SMC1B: variants seen among roughly 807,000 people sequenced by gnomAD.
SMC1B encodes structural maintenance of chromosomes protein 1B.
In SMC1B, 60 loss-of-function variants were observed where a neutral mutation model predicts 157.9. The observed-to-expected ratio is 0.38, with a 90% CI of 0.31 to 0.47. The LOEUF (loss-of-function observed/expected upper bound fraction) is 0.47. Among genes scored for constraint, SMC1B ranks in the 20% least tolerant of loss-of-function variants. The pLI is 0.99. For missense variants in SMC1B, 1,165 were observed against 1,426.2 expected, an observed-to-expected ratio of 0.82 and a Z score of 2.95; for synonymous variants, 445 against 483.0, an observed-to-expected ratio of 0.92 and a Z score of 1.03.
intron 14 of SMC1B, 111 bp downstream of exon 14, chr22:45,371,360 G>A (rs1255224991): frequency 7.3e-7 from 1 of 1,366,360 alleles, no homozygotes; most frequent in East Asian, 3.0e-5. Context: ...GTTTCTGACA[G>A]GGCACTGTTA....
At chr22:45,366,089 T>A (rs976586619) in intron 15 of SMC1B, among the ~76,000 whole-genome samples, 1 of 152,218 alleles carries the variant, frequency 6.6e-6, no homozygotes, top group Non-Finnish European at 1.5e-5. Context: ...GGTGGAACGA[T>A]CTTGGCTCAC....
Position 45,344,268 on chromosome 22 carries a change from C to CT in SMC1B, c.*287dup. On this transcript the variant is annotated 3_prime_UTR_variant, in exon 25 of 25. Coordinates refer to ENST00000357450, the MANE Select transcript of SMC1B (RefSeq NM_148674.5). ...TGAATTCAAAATTTTTCCAACCAAA[C>CT]TAGCTTATTTCAAAATAGAAGTTAG... is the stretch of plus-strand genomic sequence containing the variant. The CT allele has an allele frequency of 5.1e-6, 1 of 196,248 alleles. No homozygotes were observed. The highest frequency in any genetic ancestry group is 1.0e-5 in the Non-Finnish European group (1 of 97,340). The allele number at this position is 196,248 out of a possible 1,614,324, so 12.2% of individuals were successfully genotyped here. A position where few individuals can be genotyped will look rare whatever the true frequency, so the allele number is the denominator to read the frequency against.
intron 1 of SMC1B, among the ~76,000 whole-genome samples, chr22:45,411,352 G>A (rs898145328): frequency 6.6e-6 from 1 of 152,202 alleles, no homozygotes; most frequent in African/African-American, 2.4e-5. Context: ...GCCATATATT[G>A]TCTGATTCTA....
chr22:45,395,279 C>T (rs908485834), intron 7 of SMC1B, among the ~76,000 whole-genome samples: 1 of 152,120 alleles, frequency 6.6e-6, no homozygotes, highest in Non-Finnish European at 1.5e-5. Context: ...CAACTAATAG[C>T]CTTGTGGATG....
At chr22:45,362,753 C>CT (rs2086734028) in intron 16 of SMC1B, 132 bp downstream of exon 16, 2 of 721,898 alleles carry the variant, frequency 2.8e-6, no homozygotes, top group Non-Finnish European at 2.3e-6. Context: ...GCTGATTTTA[C>CT]TTTAAGTATT....
intron 23 of SMC1B, among the ~76,000 whole-genome samples, chr22:45,346,472 T>C (rs1043461655): frequency 6.6e-6 from 1 of 152,090 alleles, no homozygotes; most frequent in African/African-American, 2.4e-5. Context: ...ACCAACAGTC[T>C]AACAAAGGTA....
chr22:45,394,468 C>T (rs986516455), intron 8 of SMC1B, among the ~76,000 whole-genome samples: 2 of 152,040 alleles, frequency 1.3e-5, no homozygotes, highest in Admixed American at 1.3e-4. Context: ...GGTGAAACCC[C>T]ATCTTTACCA....
intron 12 of SMC1B, among the ~76,000 whole-genome samples, chr22:45,378,823 ATCT>A (rs1453712444): frequency 1.3e-5 from 2 of 152,184 alleles, no homozygotes; most frequent in Non-Finnish European, 2.9e-5. Context: ...GTTACATATA[ATCT>A]TCTTTATTCA....
At chr22:45,354,250 T>C (rs1364545502) in intron 20 of SMC1B, 118 bp from the exon 21 acceptor site, 4 of 750,898 alleles carry the variant, frequency 5.3e-6, no homozygotes, top group Non-Finnish European at 8.1e-6. Context: ...TGAGTAAAGG[T>C]ACCTTCAAAA....
At chr22:45,351,634 G>C (rs777620391) in intron 22 of SMC1B, among the ~76,000 whole-genome samples, 1 of 152,066 alleles carries the variant, frequency 6.6e-6, no homozygotes, top group African/African-American at 2.4e-5. Flanking sequence ...TTGCAGCCTC[G>C]AACTCCTGGG....
chr22:45,386,196 T>A (rs1473954850), intron 11 of SMC1B, among the ~76,000 whole-genome samples: 1 of 152,068 alleles, frequency 6.6e-6, no homozygotes, highest in Non-Finnish European at 1.5e-5. Context: ...CTGGTCTTAC[T>A]TTATAGCTTA....
chr22:45,355,478 T>A (rs2086660709), intron 19 of SMC1B, among the ~76,000 whole-genome samples: 2 of 152,134 alleles, frequency 1.3e-5, no homozygotes, highest in Non-Finnish European at 2.9e-5. Flanking sequence ...GTCAGACATA[T>A]AAACTGGATT....
intron 12 of SMC1B, 48 bp downstream of exon 12, chr22:45,383,417 AAC>A: frequency 7.1e-7 from 1 of 1,407,468 alleles, no homozygotes. Context: ...CTAGTTTAAA[AAC>A]ACAATTATTC....
Position 45,375,120 on chromosome 22 carries a change from T to A in SMC1B, c.2059-2828A>T, listed in dbSNP as rs555225300. ...AACCTGCCTCCTATTCTATTCAGAG[T>A]CCCCACTCTGTTCACCAAGATAAAT... On this transcript the variant is annotated intron_variant, in intron 12 of 24. Coordinates refer to ENST00000357450, the MANE Select transcript of SMC1B (RefSeq NM_148674.5). Among the ~76,000 whole-genome samples, 13 of 152,280 alleles carry A rather than the reference T, an allele frequency of 8.5e-5. No individual in the cohort carries two copies. The South Asian group carries it at 2.7e-3, about 32-fold the overall frequency.
chr22:45,358,654 C>A, intron 19 of SMC1B, 43 bp downstream of exon 19: 2 of 1,134,156 alleles, frequency 1.8e-6, no homozygotes, highest in South Asian at 1.4e-5. Flanking sequence ...TTTAAATATT[C>A]CGTATTACTG....
In SMC1B at chr22:45,393,850, T is replaced by C; in HGVS notation, c.1338-9A>G. 1 of 1,593,688 alleles carries C rather than the reference T, an allele frequency of 6.3e-7. No homozygotes were observed. Among genetic ancestry groups the C allele is most frequent in the Non-Finnish European group, 8.6e-7 (1 of 1,167,964 alleles). ...TCTCTTTCAAGCAATCCCTACAAAA[T>C]AACAACAAATTATACAGCAAAATGA... On this transcript the variant is annotated splice_polypyrimidine_tract_variant and intron_variant, in intron 8 of 24. Coordinates refer to ENST00000357450, the MANE Select transcript of SMC1B (RefSeq NM_148674.5).
At chr22:45,377,636 CA>C (rs146368901) in intron 12 of SMC1B, among the ~76,000 whole-genome samples, 18,306 of 120,344 alleles carry the variant, frequency 0.15, 1,103 homozygotes, top group South Asian at 0.26. Flanking sequence ...GACTCTGTCT[CA>C]AAAAAAAAAA....
At chr22:45,379,323 T>C (rs2086912710) in intron 12 of SMC1B, among the ~76,000 whole-genome samples, 1 of 152,228 alleles carries the variant, frequency 6.6e-6, no homozygotes, top group South Asian at 2.1e-4. Flanking sequence ...TTCTTGTAAA[T>C]AACACTCACT....
At chr22:45,393,881 C>A (rs1376729964) in intron 8 of SMC1B, 40 bp from the exon 9 acceptor site, 1 of 1,468,128 alleles carries the variant, frequency 6.8e-7, no homozygotes. Context: ...AATGATAAAC[C>A]AAAATTTAGG....
Sources: gnomAD v4.1 joint callset for allele counts (sites outside exome capture counted in the v4.1 genomes callset) on GRCh38, gnomAD v4.1.1 for gene constraint, MANE v1.5 for transcripts, NCBI Gene and HGNC (gene_info 2026-07-23, HGNC 2026-07-21) for gene names.